The following ERAP1 variants were observed in gnomAD, a reference collection of about 807,000 sequenced individuals.
ERAP1 encodes the protein adipocyte-derived leucine aminopeptidase.
ERAP1 carries 86 observed loss-of-function variants against 103.7 expected under a neutral mutation model. The observed-to-expected ratio is 0.83, with a 90% confidence interval of 0.70 to 0.99. The LOEUF (loss-of-function observed/expected upper bound fraction) is 0.99, where lower values mean the gene tolerates loss of function less well. Ranked by LOEUF, ERAP1 falls within the 50% of genes least tolerant of loss-of-function variation. The pLI is 0.00. For missense variants in ERAP1, 1,009 were observed against 1,128.4 expected, an observed-to-expected ratio of 0.89 and a Z score of 1.52; for synonymous variants, 398 against 402.4, an observed-to-expected ratio of 0.99 and a Z score of 0.13.
the ERAP1 span, among the ~76,000 whole-genome samples, chr5:96,853,917 C>G: frequency 6.6e-6 from 1 of 150,914 alleles, no homozygotes; most frequent in Non-Finnish European, 1.5e-5. Context: ...AATACATGCT[C>G]TTAACAGTGA....
At position 96,803,742 on chromosome 5, in the gene ERAP1, T is replaced by C. The variant is rs759467088; in HGVS notation, c.185A>G (p.His62Arg). 1 of 1,614,068 alleles carries C rather than the reference T, an allele frequency of 6.2e-7. No individual in the cohort carries two copies. The stretch of plus-strand genomic sequence containing the variant: ...GTTTGCATGGATCAAGAGATCATAA[T>C]GAACTGGGATGACGTACTCAGGAAG... ...IRLPEYVIPVHYDLLIHANLT... is the reference protein window; with the variant it reads ...IRLPEYVIPVRYDLLIHANLT... The change falls in exon 2 of 19, where the codon CAT (histidine) becomes CGT (arginine). Residue 62 changes from histidine to arginine, a missense_variant. Physicochemically the swap from His to Arg is conservative, Grantham distance 29 (BLOSUM62 0). Transcript: ENST00000443439.
intron 3 of ERAP1, among the ~76,000 whole-genome samples, chr5:96,799,696 C>G (rs1373574082): frequency 6.6e-6 from 1 of 152,192 alleles, no homozygotes; most frequent in Non-Finnish European, 1.5e-5. Context: ...AGTAATACCA[C>G]AATACTGGGG....
chr5:96,769,350 C>T (rs1412221277), intron 19 of ERAP1: 1 of 149,856 alleles, frequency 6.7e-6, no homozygotes, highest in African/African-American at 2.4e-5. Flanking sequence ...GGTTGTTTCC[C>T]ATTGTTCATT....
At chr5:96,905,543 C>T in the ERAP1 span, among the ~76,000 whole-genome samples, 1 of 152,108 alleles carries the variant, frequency 6.6e-6, no homozygotes, top group Non-Finnish European at 1.5e-5. Flanking sequence ...TGTTCTTTCT[C>T]AATACTATAA....
intron 3 of ERAP1, among the ~76,000 whole-genome samples, chr5:96,797,755 T>C (rs1432228014): frequency 2.6e-5 from 4 of 152,246 alleles, no homozygotes; most frequent in Middle Eastern, 3.2e-3. Context: ...CTCAATTTCT[T>C]TTTTATTGAG....
the ERAP1 span, among the ~76,000 whole-genome samples, chr5:96,884,825 T>C: frequency 1.4e-4 from 22 of 152,286 alleles, no homozygotes; most frequent in East Asian, 3.9e-3. Context: ...AGAGGCAGCA[T>C]ATCTTTTGGA....
chr5:96,906,833 A>T, the ERAP1 span, among the ~76,000 whole-genome samples: 1 of 152,152 alleles, frequency 6.6e-6, no homozygotes, highest in Non-Finnish European at 1.5e-5. Context: ...GGAGTTCAAG[A>T]CCAGCCTGGC....
chr5:96,914,833 C>A, the ERAP1 span, among the ~76,000 whole-genome samples: 1 of 152,056 alleles, frequency 6.6e-6, no homozygotes, highest in Non-Finnish European at 1.5e-5. Context: ...AGGAAGTGTG[C>A]AAGAAGTGCA....
rs30187 is a variant in ERAP1 at position 96,788,627 on chromosome 5, T to C, written c.1583A>G (p.Lys528Arg). The change falls in exon 11 of 19, where the codon AAG (lysine) becomes AGG (arginine). Residue 528 changes from lysine (K) to arginine (R), a missense_variant. Transcript: ENST00000443439. ...KTMMNTWTLQ[K>R]GFPLITITVR... ...TGTGATGGTTATTAGGGGAAAACCC[T>C]TCTGCAGTGTCCAAGTGTTCATCAT... The C allele has an allele frequency of 0.64, 1,038,838 of 1,613,788 alleles. 336,155 individuals carry two copies. Among genetic ancestry groups the C allele is most frequent in the Non-Finnish European group, 0.66 (779,903 of 1,179,902 alleles).
the ERAP1 span, among the ~76,000 whole-genome samples, chr5:96,922,215 A>G: frequency 2.0e-5 from 3 of 152,124 alleles, no homozygotes; most frequent in East Asian, 1.9e-4. Context: ...GGAGAATGGC[A>G]CGAACCCGGG....
chr5:96,931,292 G>C, the ERAP1 span, among the ~76,000 whole-genome samples: 3 of 151,918 alleles, frequency 2.0e-5, no homozygotes, highest in African/African-American at 7.3e-5. Context: ...GAGTAGCTGG[G>C]ACCAAAGGCA....
the ERAP1 span, chr5:96,915,767 GA>G: frequency 6.3e-7 from 1 of 1,597,912 alleles, no homozygotes; most frequent in African/African-American, 1.3e-5. Flanking sequence ...TAAGTTGCAA[GA>G]GGTTTGTGAC....
intron 18 of ERAP1, 44 bp from the exon 19 acceptor site, chr5:96,776,595 T>C (rs755084923): frequency 6.2e-7 from 1 of 1,602,774 alleles, no homozygotes; most frequent in South Asian, 1.1e-5. Flanking sequence ...TTTTATCACA[T>C]TAATCAGATG....
the ERAP1 span, chr5:96,909,248 T>C: frequency 1.2e-6 from 1 of 801,292 alleles, no homozygotes; most frequent in Middle Eastern, 3.4e-4. Flanking sequence ...TGATAGCATG[T>C]AATGGTCAAT....
chr5:96,915,779 T>C, the ERAP1 span: 1 of 1,582,350 alleles, frequency 6.3e-7, no homozygotes, highest in Non-Finnish European at 8.6e-7. Context: ...GGTTTGTGAC[T>C]TTCTGTTTTT....
chr5:96,813,733 T>C, the ERAP1 span, among the ~76,000 whole-genome samples: 2 of 150,270 alleles, frequency 1.3e-5, no homozygotes, highest in Non-Finnish European at 3.0e-5. Flanking sequence ...ACACCTTACC[T>C]TACTTGTTTA....
the ERAP1 span, chr5:96,909,903 G>T: frequency 5.1e-6 from 4 of 782,096 alleles, no homozygotes; most frequent in Non-Finnish European, 8.1e-6. Flanking sequence ...CCTGTTTCAT[G>T]CTCTCACATT....
Position 96,775,825 on chromosome 5 carries a change from G to C in ERAP1, c.*571C>G. ...CCACCTACTACCTCCTCCGACCCCA[G>C]CTCCAGCTCTCCGGCTCCCCACTGA... On this transcript the variant is annotated 3_prime_UTR_variant, in exon 19 of 19. Transcript: ENST00000443439. The C allele has an allele frequency of 2.4e-6, 1 of 411,018 alleles. No individual in the cohort carries two copies. Among genetic ancestry groups the C allele is most frequent in the Non-Finnish European group, 3.3e-6 (1 of 304,128 alleles). The allele number at this position is 411,018 out of a possible 1,614,324, so 25.5% of individuals were successfully genotyped here.
chr5:96,884,046 CTATCTATCTA>C, the ERAP1 span: 1 of 355,808 alleles, frequency 2.8e-6, no homozygotes, highest in Non-Finnish European at 5.1e-6. Context: ...ATCTATCTAT[CTATCTATCTA>C]TCTATCTATC....
Sources: gnomAD v4.1 joint callset for allele counts (sites outside exome capture counted in the v4.1 genomes callset) on GRCh38, gnomAD v4.1.1 for gene constraint, MANE v1.5 for transcripts, NCBI Gene and HGNC (gene_info 2026-07-23, HGNC 2026-07-21) for gene names.